The following DLG2 variants were observed in gnomAD, a reference collection of about 807,000 sequenced individuals.
DLG2 encodes the protein disks large homolog 2.
DLG2 carries 45 observed loss-of-function variants against 132.5 expected under a neutral mutation model. The observed-to-expected ratio is 0.34, with a 90% CI of 0.27 to 0.44. The LOEUF (loss-of-function observed/expected upper bound fraction) is 0.44. Among genes scored for constraint, DLG2 ranks in the 20% least tolerant of loss-of-function variants. The probability of loss-of-function intolerance (pLI) is 1.00; values close to 1 mark genes in which losing one functional copy is unlikely to be tolerated. For synonymous variants in DLG2, 424 were observed against 419.6 expected (o/e 1.01, Z -0.13); for missense variants, 1,045 against 1,196.9 (o/e 0.87, Z 1.87).
At chr11:83,718,554 A>G (rs1032978182) in intron 18 of DLG2, among the ~76,000 whole-genome samples, 15 of 150,368 alleles carry the variant, frequency 1.0e-4, no homozygotes, top group Non-Finnish European at 2.1e-4. Flanking sequence ...AAAAAAAAGA[A>G]AGAAAAAAAG....
At chr11:85,357,151 G>C (rs2083763979) in intron 3 of DLG2, among the ~76,000 whole-genome samples, 1 of 151,904 alleles carries the variant, frequency 6.6e-6, no homozygotes, top group Non-Finnish European at 1.5e-5. Flanking sequence ...GCAAGTCACA[G>C]AGCAGCCTGC....
rs181681451 is a variant in DLG2 at position 83,829,443 on chromosome 11, C to T, written c.1722+4171G>A. Among the ~76,000 whole-genome samples, 1,028 of 152,174 alleles carry T rather than the reference C, an allele frequency of 6.8e-3. 9 individuals are homozygous for T. Among genetic ancestry groups the T allele is most frequent in the Middle Eastern group, 0.02 (6 of 294 alleles). ...AACTCCTGACCTCAGGTGATCTGCC[C>T]GCCTCAGCCTCCCAAAGTGCTGGGA... On this transcript the variant is annotated intron_variant, in intron 17 of 27. Transcript: ENST00000376104.
At chr11:85,083,670 A>C (rs2067536044) in intron 6 of DLG2, among the ~76,000 whole-genome samples, 1 of 152,116 alleles carries the variant, frequency 6.6e-6, no homozygotes, top group South Asian at 2.1e-4. Flanking sequence ...TCTGGTTAGC[A>C]ATTGGTTTTA....
At chr11:84,890,403 A>G (rs1359114051) in intron 6 of DLG2, among the ~76,000 whole-genome samples, 1 of 152,136 alleles carries the variant, frequency 6.6e-6, no homozygotes, top group Non-Finnish European at 1.5e-5. Context: ...GGGAACACTG[A>G]TTAGTCATAT....
chr11:84,739,466 C>G (rs1341963636), intron 6 of DLG2, among the ~76,000 whole-genome samples: 2 of 152,166 alleles, frequency 1.3e-5, no homozygotes, highest in East Asian at 3.8e-4. Flanking sequence ...TTGCCAAGAT[C>G]ACTCAGACAA....
At chr11:83,724,306 T>C (rs1163938778) in intron 18 of DLG2, among the ~76,000 whole-genome samples, 3 of 152,166 alleles carry the variant, frequency 2.0e-5, no homozygotes, top group African/African-American at 7.2e-5. Context: ...GGATTAGAAC[T>C]AGGCTCTCCC....
chr11:83,672,167 C>T (rs2076938208), intron 18 of DLG2, among the ~76,000 whole-genome samples: 1 of 151,600 alleles, frequency 6.6e-6, no homozygotes, highest in South Asian at 2.1e-4. Context: ...CCTTCCTTCC[C>T]TTTCTTCCCC....
chr11:84,043,277 TTTC>T (rs1314303434), intron 11 of DLG2, among the ~76,000 whole-genome samples: 11 of 151,786 alleles, frequency 7.2e-5, no homozygotes, highest in African/African-American at 2.7e-4. Context: ...AAATATATTT[TTTC>T]TTCTTTTCAA....
chr11:85,345,197 A>G (rs2082747945), intron 3 of DLG2, among the ~76,000 whole-genome samples: 1 of 152,160 alleles, frequency 6.6e-6, no homozygotes, highest in Non-Finnish European at 1.5e-5. Context: ...AAATATTGCC[A>G]AAATTCATCT....
intron 6 of DLG2, among the ~76,000 whole-genome samples, chr11:84,782,512 T>C (rs2072002910): frequency 6.6e-6 from 1 of 152,082 alleles, no homozygotes; most frequent in East Asian, 1.9e-4. Flanking sequence ...CTATAGGGCT[T>C]AGTGAATAAC....
intron 3 of DLG2, among the ~76,000 whole-genome samples, chr11:85,366,011 G>GCA (rs2084524254): frequency 6.6e-6 from 1 of 152,094 alleles, no homozygotes. Context: ...AACCACCATG[G>GCA]CACATGTATA....
rs1381744890 is a variant in DLG2, at chr11:84,194,011, C to T, written c.574-30500G>A. Among the ~76,000 whole-genome samples, 3 of 152,192 alleles carry T rather than the reference C, an allele frequency of 2.0e-5. 1 individual carries two copies. The highest frequency in any genetic ancestry group is 2.0e-4 in the Admixed American group (3 of 15,284). Reference sequence around the variant, plus strand: ...GGATTAATGGCCAAAGGACCACAGACTCAAAGATGGAAGAACCAGAGACAA... The same window carrying T: ...GGATTAATGGCCAAAGGACCACAGATTCAAAGATGGAAGAACCAGAGACAA... On this transcript the variant is annotated intron_variant, in intron 8 of 27. Transcript: ENST00000376104.
At chr11:84,594,906 A>G (rs149482171) in intron 6 of DLG2, among the ~76,000 whole-genome samples, 381 of 152,220 alleles carry the variant, frequency 2.5e-3, no homozygotes, top group African/African-American at 8.6e-3. Context: ...CAAACCTCCT[A>G]CCTCAGGATT....
intron 7 of DLG2, among the ~76,000 whole-genome samples, chr11:84,260,492 C>G (rs1383652946): frequency 6.6e-6 from 1 of 152,188 alleles, no homozygotes; most frequent in Non-Finnish European, 1.5e-5. Flanking sequence ...GCAATTATAT[C>G]AACCACCAAT....
At chr11:84,566,253 G>A (rs999309023) in intron 6 of DLG2, among the ~76,000 whole-genome samples, 13 of 152,048 alleles carry the variant, frequency 8.5e-5, no homozygotes, top group Admixed American at 4.6e-4. Context: ...ATGAGACACC[G>A]TGTCTGGTCT....
intron 3 of DLG2, among the ~76,000 whole-genome samples, chr11:85,464,990 C>CTTGAACCTAG (rs2153064349): frequency 7.1e-6 from 1 of 140,670 alleles, no homozygotes; most frequent in South Asian, 2.3e-4. Context: ...AGGAGAATCA[C>CTTGAACCTAG]TTGAACCTAG....
Position 83,560,717 on chromosome 11 carries a change from C to T in DLG2, c.1941-18859G>A, listed in dbSNP as rs553413414. Among the ~76,000 whole-genome samples the T allele has an allele frequency of 1.4e-4, 21 of 152,150 alleles. No homozygotes were observed. The East Asian group carries it at 2.3e-3, about 17-fold the overall frequency. ...ATCTGTTAATTCATTCCATTGCTGA[C>T]GTAGAATGATCAGGGATTTTCTTCC... On this transcript the variant is annotated intron_variant, in intron 19 of 27. Coordinates refer to ENST00000376104, the MANE Select transcript of DLG2 (RefSeq NM_001142699.3).
chr11:85,067,353 G>C (rs949456733), intron 6 of DLG2, among the ~76,000 whole-genome samples: 1 of 151,730 alleles, frequency 6.6e-6, no homozygotes, highest in African/African-American at 2.4e-5. Context: ...CTTCAGTTCT[G>C]CTCTCATCTT....
chr11:84,103,081 C>A (rs924859237), intron 9 of DLG2, among the ~76,000 whole-genome samples: 1 of 152,098 alleles, frequency 6.6e-6, no homozygotes, highest in Non-Finnish European at 1.5e-5. Flanking sequence ...TCAATTAAAA[C>A]TAGTCTACCA....
Sources: allele counts gnomAD v4.1 joint callset (sites outside exome capture counted in the v4.1 genomes callset), GRCh38; gene constraint gnomAD v4.1.1; transcripts MANE v1.5; gene names NCBI Gene and HGNC (gene_info 2026-07-23, HGNC 2026-07-21).